The following C1QTNF7 variants were observed in gnomAD, a reference collection of about 807,000 sequenced individuals.
C1QTNF7 encodes the protein complement C1q tumor necrosis factor-related protein 7.
C1QTNF7 carries 15 observed loss-of-function variants against 19.6 expected under a neutral mutation model. That is an observed-to-expected ratio of 0.76 (90% CI 0.51 to 1.18). C1QTNF7 has a LOEUF of 1.18. Among genes scored for constraint, C1QTNF7 ranks in the 50% most tolerant of loss-of-function variants. The pLI is 0.00. For missense variants in C1QTNF7, 324 were observed against 359.7 expected, an observed-to-expected ratio of 0.90 and a Z score of 0.80; for synonymous variants, 142 against 137.5, an observed-to-expected ratio of 1.03 and a Z score of -0.23.
intron 1 of C1QTNF7, among the ~76,000 whole-genome samples, chr4:15,341,851 G>A (rs904594521): frequency 2.0e-5 from 3 of 152,184 alleles, no homozygotes; most frequent in Non-Finnish European, 2.9e-5. Flanking sequence ...GTGCACCCTG[G>A]GGACGGGTGC....
intron 1 of C1QTNF7, among the ~76,000 whole-genome samples, chr4:15,363,402 C>T (rs1010909764): frequency 6.6e-6 from 1 of 152,120 alleles, no homozygotes; most frequent in African/African-American, 2.4e-5. Flanking sequence ...TCCTGGTATG[C>T]ATGGTATGCA....
intron 1 of C1QTNF7, among the ~76,000 whole-genome samples, chr4:15,366,741 T>C (rs1717537859): frequency 6.6e-6 from 1 of 152,216 alleles, no homozygotes; most frequent in Admixed American, 6.5e-5. Flanking sequence ...GGAGCTGCTA[T>C]GTATTCCTGG....
chr4:15,398,323 A>G (rs1718864485), intron 1 of C1QTNF7, among the ~76,000 whole-genome samples: 1 of 152,218 alleles, frequency 6.6e-6, no homozygotes, highest in African/African-American at 2.4e-5. Context: ...CACTAAAGGC[A>G]AAGCTAATTA....
intron 1 of C1QTNF7, among the ~76,000 whole-genome samples, chr4:15,411,571 A>G (rs1437147017): frequency 6.6e-6 from 1 of 152,214 alleles, no homozygotes; most frequent in Non-Finnish European, 1.5e-5. Flanking sequence ...GAAAGTGGTT[A>G]GTAGGAGGTG....
chr4:15,357,235 AC>A (rs1270552354), intron 1 of C1QTNF7, among the ~76,000 whole-genome samples: 1 of 152,206 alleles, frequency 6.6e-6, no homozygotes, highest in Non-Finnish European at 1.5e-5. Flanking sequence ...GTTAGGTCTT[AC>A]ATTTAAGTCT....
chr4:15,340,344 A>T, intron 1 of C1QTNF7: 1 of 1,151,120 alleles, frequency 8.7e-7, no homozygotes, highest in South Asian at 1.4e-5. Context: ...ACAAATGATA[A>T]ATCAGAGGTT....
At chr4:15,394,410 A>G (rs1467350568) in intron 1 of C1QTNF7, among the ~76,000 whole-genome samples, 1 of 152,266 alleles carries the variant, frequency 6.6e-6, no homozygotes, top group Non-Finnish European at 1.5e-5. Flanking sequence ...CTAGGCAGAG[A>G]AAGGTATTCA....
intron 1 of C1QTNF7, among the ~76,000 whole-genome samples, chr4:15,382,843 T>C (rs1718197297): frequency 6.6e-6 from 1 of 152,242 alleles, no homozygotes; most frequent in Non-Finnish European, 1.5e-5. Context: ...TGATTCCAGC[T>C]GTTCGGACTA....
chr4:15,356,052 G>C (rs936768527), intron 1 of C1QTNF7, among the ~76,000 whole-genome samples: 1 of 151,118 alleles, frequency 6.6e-6, no homozygotes, highest in African/African-American at 2.4e-5. Context: ...GCCCAGGCTT[G>C]GTAATGGTTT....
intron 1 of C1QTNF7, chr4:15,374,871 CT>C (rs770437174): frequency 3.5e-4 from 155 of 442,148 alleles, no homozygotes; most frequent in Middle Eastern, 1.1e-3. Context: ...CTCTCTCTCT[CT>C]TTTTTTTTAT....
intron 1 of C1QTNF7, among the ~76,000 whole-genome samples, chr4:15,417,069 C>T (rs980147133): frequency 6.6e-6 from 1 of 152,182 alleles, no homozygotes; most frequent in African/African-American, 2.4e-5. Flanking sequence ...TAAATACCCA[C>T]CTTTTATTCT....
chr4:15,399,680 T>C (rs1403922980), intron 1 of C1QTNF7, among the ~76,000 whole-genome samples: 1 of 152,218 alleles, frequency 6.6e-6, no homozygotes, highest in Non-Finnish European at 1.5e-5. Flanking sequence ...ATTTTAACTG[T>C]TAGCTTAATT....
chr4:15,402,086 A>G (rs4698381), intron 1 of C1QTNF7, among the ~76,000 whole-genome samples: 9,305 of 152,304 alleles, frequency 0.061, 539 homozygotes, highest in Admixed American at 0.19. Flanking sequence ...GGTAACATCA[A>G]GATATGGACT....
chr4:15,402,051 T>C (rs933078077), intron 1 of C1QTNF7, among the ~76,000 whole-genome samples: 2 of 152,184 alleles, frequency 1.3e-5, no homozygotes, highest in Non-Finnish European at 2.9e-5. Flanking sequence ...GGGAACACCA[T>C]ATCCCAGGAA....
At position 15,356,640 on chromosome 4, in the gene C1QTNF7, T is replaced by C. The variant is rs1717155770; in HGVS notation, c.13+16433T>C. On this transcript the variant is annotated intron_variant, in intron 1 of 2. Transcript: ENST00000295297. ...GTAATGGGATTGCTGCATCAAATGGTATTTCTGGTTCTAGATCCTTGAGGA... is the reference window on the plus strand; with the variant it reads ...GTAATGGGATTGCTGCATCAAATGGCATTTCTGGTTCTAGATCCTTGAGGA... Among the ~76,000 whole-genome samples, 6 of 152,338 alleles carry C rather than the reference T, an allele frequency of 3.9e-5. No homozygotes were observed. The South Asian group carries it at 1.2e-3, about 32-fold the overall frequency.
Position 15,389,342 on chromosome 4 carries a change from T to C in C1QTNF7, c.14-46394T>C, listed in dbSNP as rs573114840. Among the ~76,000 whole-genome samples, 3 of 151,832 alleles carry C rather than the reference T, an allele frequency of 2.0e-5. No individual in the cohort carries two copies. The East Asian group carries it at 5.8e-4, about 30-fold the overall frequency. ...GCTGTAAGTGGGAGGCAGGAGTGAG[T>C]TGGGGTCTACACAAACCATGACAGG... On this transcript the variant is annotated intron_variant, in intron 1 of 2. Transcript: ENST00000295297.
intron 2 of C1QTNF7, among the ~76,000 whole-genome samples, chr4:15,440,556 C>A (rs995675725): frequency 6.6e-5 from 10 of 151,978 alleles, no homozygotes; most frequent in Non-Finnish European, 1.2e-4. Flanking sequence ...TACAGGCGCG[C>A]ACCACCACGT....
chr4:15,412,906 C>A (rs1201203579), intron 1 of C1QTNF7, among the ~76,000 whole-genome samples: 1 of 152,126 alleles, frequency 6.6e-6, no homozygotes. Context: ...GTTTTTGAGC[C>A]CCTAATACGT....
chr4:15,382,184 C>T (rs1410559420), intron 1 of C1QTNF7, among the ~76,000 whole-genome samples: 1 of 152,186 alleles, frequency 6.6e-6, no homozygotes. Flanking sequence ...TTATCCTCAT[C>T]TTAACCCGTG....
Sources: gnomAD v4.1 joint callset for allele counts (sites outside exome capture counted in the v4.1 genomes callset) on GRCh38, gnomAD v4.1.1 for gene constraint, MANE v1.5 for transcripts, NCBI Gene and HGNC (gene_info 2026-07-23, HGNC 2026-07-21) for gene names.